The following GLI2 variants were observed in gnomAD, a reference collection of about 807,000 sequenced individuals.
The protein encoded by GLI2 is GLI family zinc finger 2, also known as transcription activator GLI2.
Under a neutral mutation model 78.9 loss-of-function variants are expected in GLI2, and 22 were observed. The observed-to-expected ratio is 0.28, with a 90% CI of 0.20 to 0.40. The LOEUF is 0.40. Ranked by LOEUF, GLI2 falls within the 10% of genes least tolerant of loss-of-function variation. GLI2 has a pLI of 1.00. For synonymous variants in GLI2, 974 were observed against 963.7 expected (o/e 1.01, Z -0.20); for missense variants, 2,097 against 2,213.2 (o/e 0.95, Z 1.05).
chr2:120,851,382 A>C (rs1446241690), intron 2 of GLI2, among the ~76,000 whole-genome samples: 1 of 152,186 alleles, frequency 6.6e-6, no homozygotes. Context: ...CTTTTTTGGA[A>C]ATACACAAAA....
chr2:120,877,600 G>T (rs988896393), intron 2 of GLI2, among the ~76,000 whole-genome samples: 1 of 152,124 alleles, frequency 6.6e-6, no homozygotes, highest in Non-Finnish European at 1.5e-5. Flanking sequence ...GCTTGCTTTT[G>T]TTCTTTATGT....
chr2:120,888,457 C>A (rs1055252220), intron 2 of GLI2, among the ~76,000 whole-genome samples: 3 of 152,160 alleles, frequency 2.0e-5, no homozygotes, highest in Middle Eastern at 3.2e-3. Flanking sequence ...TCACTTTTAT[C>A]TTCTTAATTT....
At chr2:120,955,982 G>GT (rs890319275) in intron 5 of GLI2, among the ~76,000 whole-genome samples, 12 of 152,258 alleles carry the variant, frequency 7.9e-5, no homozygotes, top group African/African-American at 2.9e-4. Flanking sequence ...GAGTTTCCAG[G>GT]TGGGGTCTTG....
intron 3 of GLI2, among the ~76,000 whole-genome samples, chr2:120,943,784 C>T (rs1405918890): frequency 2.0e-5 from 3 of 152,212 alleles, no homozygotes; most frequent in Non-Finnish European, 4.4e-5. Flanking sequence ...TGGGACAGCC[C>T]GCCCTGATGG....
chr2:120,810,198 C>A (rs1183438697), intron 2 of GLI2, among the ~76,000 whole-genome samples: 2 of 152,202 alleles, frequency 1.3e-5, no homozygotes, highest in Non-Finnish European at 2.9e-5. Flanking sequence ...CCATTGAGGT[C>A]CAAGGAGGGG....
chr2:120,983,320 A>C (rs1041330705), intron 11 of GLI2, among the ~76,000 whole-genome samples: 26 of 152,108 alleles, frequency 1.7e-4, no homozygotes, highest in African/African-American at 6.0e-4. Flanking sequence ...GAGGAAACGA[A>C]GACTCAGAGA....
rs571244268 is a variant in GLI2, at chr2:120,957,718, T to C, written c.643+2288T>C. 1.3e-4 allele frequency among the ~76,000 whole-genome samples: 20 copies of C among 152,350 alleles called. No homozygotes were observed. The South Asian group carries it at 2.1e-3, about 16-fold the overall frequency. On this transcript the variant is annotated intron_variant, in intron 5 of 13. Transcript: ENST00000361492. Reference sequence around the variant, plus strand: ...TCCAGTGATTTTCAGCATGAGCGTCTGTGTGTGCACGTGTGTGTACGTGCA... The same window carrying C: ...TCCAGTGATTTTCAGCATGAGCGTCCGTGTGTGCACGTGTGTGTACGTGCA...
At chr2:120,830,895 C>G (rs1180246424) in intron 2 of GLI2, among the ~76,000 whole-genome samples, 2 of 151,944 alleles carry the variant, frequency 1.3e-5, no homozygotes. Context: ...GTTTCTCTCA[C>G]TTGGTCCCTG....
In GLI2 at chr2:120,968,914, A is replaced by G. The variant is rs1573698714; in HGVS notation, c.844A>G (p.Ser282Gly). 5.6e-6 allele frequency: 9 copies of G among 1,609,476 alleles called. No individual in the cohort carries two copies. The highest frequency in any genetic ancestry group is 7.6e-6 in the Non-Finnish European group (9 of 1,178,510). ...CGGGCATCTGTCAGCGGGTGCCCTC[A>G]GGTGAGCCCCGCCTGCAAGCAGAGA... Reference protein sequence around the residue: ...SYGHLSAGALSPAFTFPHPIN... With the variant: ...SYGHLSAGALGPAFTFPHPIN... The change falls in exon 6 of 14, where the codon AGC (serine) becomes GGC (glycine). Residue 282 changes from serine to glycine, a missense_variant and splice_region_variant. This residue lies in a region of GLI2 where 578 missense variants were observed against 612.0 expected (regional missense o/e 0.94). Transcript: ENST00000361492.
At chr2:120,799,820 G>A (rs56144288) in intron 2 of GLI2, among the ~76,000 whole-genome samples, 3,297 of 152,318 alleles carry the variant, frequency 0.022, 118 homozygotes, top group African/African-American at 0.076. Flanking sequence ...AGCCATGGAT[G>A]TGGGCCTCAC....
At chr2:120,855,477 C>T (rs547773995) in intron 2 of GLI2, among the ~76,000 whole-genome samples, 5 of 152,354 alleles carry the variant, frequency 3.3e-5, no homozygotes, top group Admixed American at 3.3e-4. Context: ...GTCTCCAGTA[C>T]TCAGCATGGT....
In GLI2 at chr2:120,863,664, A is replaced by AT. The variant is rs202104398; in HGVS notation, c.149-63691dup. On this transcript the variant is annotated intron_variant, in intron 2 of 13. Transcript: ENST00000361492. ...AAAGCTACTCATATTATGTTACATT[A>AT]TTTTTTATGGGAAAATGCATTTAAG... is the stretch of plus-strand genomic sequence containing the variant. Among the ~76,000 whole-genome samples the AT allele has an allele frequency of 5.3e-5, 8 of 152,280 alleles. No homozygotes were observed. In the East Asian group the frequency reaches 1.5e-3, roughly 29 times the overall value.
chr2:120,862,881 T>C (rs1687967706), intron 2 of GLI2, among the ~76,000 whole-genome samples: 1 of 152,186 alleles, frequency 6.6e-6, no homozygotes, highest in African/African-American at 2.4e-5. Context: ...TTTGTGTTCA[T>C]TGGTAGCATG....
chr2:120,743,909 C>A (rs542616678), intron 1 of GLI2, among the ~76,000 whole-genome samples: 1 of 152,256 alleles, frequency 6.6e-6, no homozygotes, highest in South Asian at 2.1e-4. Context: ...CTTGGGTACC[C>A]CCTGGGGAGA....
In GLI2 at chr2:120,988,551, C is replaced by G. The variant is rs1411783355; in HGVS notation, c.2586C>G (p.Leu862=). ...ASQCSGGSGL[L]NLTPAQQYSL... ...AGTGCAGCGGCGGCTCCGGGCTGCT[C>G]AACCTCACGCCGGCGCAGCAGTACA... Residue 862 remains leucine, a synonymous_variant, in exon 14 of 14, where the codon CTC becomes CTG. Coordinates refer to ENST00000361492, the MANE Select transcript of GLI2 (RefSeq NM_001374353.1). 6.7e-7 allele frequency: 1 copy of G among 1,502,182 alleles called. No individual in the cohort carries two copies. Among genetic ancestry groups the G allele is most frequent in the African/African-American group, 1.5e-5 (1 of 68,954 alleles). 93.1% of individuals were successfully genotyped at this position (1,502,182 alleles called of 1,614,324 possible). A position where few individuals can be genotyped will look rare whatever the true frequency, so the allele number is the denominator to read the frequency against.
At chr2:120,987,266 T>C (rs1683024532) in intron 13 of GLI2, among the ~76,000 whole-genome samples, 1 of 152,228 alleles carries the variant, frequency 6.6e-6, no homozygotes, top group Non-Finnish European at 1.5e-5. Flanking sequence ...TCAACACTGA[T>C]GTACCACCTG....
intron 2 of GLI2, among the ~76,000 whole-genome samples, chr2:120,903,119 T>A (rs924245152): frequency 1.3e-5 from 2 of 151,858 alleles, no homozygotes; most frequent in South Asian, 4.2e-4. Flanking sequence ...GCGCAGTGGG[T>A]CATTCCTGTA....
chr2:120,965,181 A>G (rs1043598867), intron 5 of GLI2, among the ~76,000 whole-genome samples: 36 of 145,530 alleles, frequency 2.5e-4, no homozygotes, highest in African/African-American at 4.3e-4. Flanking sequence ...CAGGATGCAG[A>G]TGCTGCAACA....
Position 120,988,713 on chromosome 2 carries a change from C to T in GLI2, c.2748C>T (p.Arg916=). Residue 916 remains arginine, a synonymous_variant, in exon 14 of 14, where the codon CGC becomes CGT. Transcript: ENST00000361492. The stretch of plus-strand genomic sequence containing the variant: ...GCACGCTGCCCGCCGGCTGCCCACG[C>T]CCACTGGGGCCGCGGCGTGGCAGCG... ...PERTLPAGCP[R]PLGPRRGSDG... is the part of the protein sequence containing the mutation. The T allele has an allele frequency of 1.7e-6, 2 of 1,211,660 alleles. No individual in the cohort carries two copies. Among genetic ancestry groups the T allele is most frequent in the African/African-American group, 3.3e-5 (2 of 60,964 alleles). The allele number at this position is 1,211,660 out of a possible 1,614,324, so 75.1% of individuals were successfully genotyped here.
Sources: allele counts gnomAD v4.1 joint callset (sites outside exome capture counted in the v4.1 genomes callset), GRCh38; gene constraint gnomAD v4.1.1; regional missense constraint gnomAD v4.1.1; transcripts MANE v1.5; gene names NCBI Gene and HGNC (gene_info 2026-07-23, HGNC 2026-07-21).